The following STYX variants were observed in gnomAD, a reference collection of about 807,000 sequenced individuals.
STYX encodes the protein serine/threonine/tyrosine interacting protein.
A neutral mutation model predicts 42.7 loss-of-function variants in STYX; 20 were observed. That is an observed-to-expected ratio of 0.47 (90% CI 0.33 to 0.68). STYX has a LOEUF of 0.68. Among genes scored for constraint, STYX ranks in the 30% least tolerant of loss-of-function variants. The probability of loss-of-function intolerance (pLI) is 0.02; values close to 1 mark genes in which losing one functional copy is unlikely to be tolerated. For missense variants in STYX, 226 were observed against 268.5 expected (o/e 0.84, Z 1.11); for synonymous variants, 78 against 81.9 (o/e 0.95, Z 0.26).
intron 1 of STYX, among the ~76,000 whole-genome samples, chr14:52,738,656 A>G (rs545187939): frequency 6.6e-6 from 1 of 152,338 alleles, no homozygotes; most frequent in Admixed American, 6.5e-5. Context: ...TGATATATTG[A>G]TTACTTTAAG....
chr14:52,763,180 C>T (rs1882168283), intron 9 of STYX, among the ~76,000 whole-genome samples: 1 of 152,120 alleles, frequency 6.6e-6, no homozygotes, highest in East Asian at 1.9e-4. Flanking sequence ...ATGTGAGCCA[C>T]TGCTCCTGGC....
chr14:52,774,317 C>A lies in STYX; in HGVS notation c.*3211C>A, dbSNP rs570895351. The A allele has an allele frequency of 9.9e-5, 15 of 151,776 alleles. No homozygotes were observed. The highest frequency in any genetic ancestry group is 3.6e-4 in the African/African-American group (15 of 41,316). 9.4% of individuals were successfully genotyped at this position (151,776 alleles called of 1,614,324 possible). On this transcript the variant is annotated 3_prime_UTR_variant, in exon 11 of 11. Transcript: ENST00000354586. ...TGAATTAGAAATATTTAACTGCAAT[C>A]TTGAATTATAAAGTTGAGATATATA...
chr14:52,766,152 A>T (rs1269017130), intron 9 of STYX, among the ~76,000 whole-genome samples: 1 of 151,924 alleles, frequency 6.6e-6, no homozygotes, highest in Non-Finnish European at 1.5e-5. Context: ...GCACACTATC[A>T]CACCTGGCTA....
intron 3 of STYX, among the ~76,000 whole-genome samples, chr14:52,749,165 G>A (rs1342312552): frequency 2.0e-5 from 3 of 152,126 alleles, no homozygotes; most frequent in Admixed American, 2.0e-4. Flanking sequence ...CCTTCTTGCT[G>A]TATCCTCACA....
chr14:52,732,817 C>G (rs995737653), intron 1 of STYX, among the ~76,000 whole-genome samples: 1 of 151,904 alleles, frequency 6.6e-6, no homozygotes, highest in South Asian at 2.1e-4. Context: ...ATTACAGGCG[C>G]CCGCCACCAC....
chr14:52,730,386 C>CTCCT lies in STYX; in HGVS notation c.-81_-78dup. The CTCCT allele has an allele frequency of 7.0e-7, 1 of 1,429,086 alleles. No homozygotes were observed. The highest frequency in any genetic ancestry group is 9.7e-7 in the Non-Finnish European group (1 of 1,029,408). 88.5% of individuals were successfully genotyped at this position (1,429,086 alleles called of 1,614,324 possible). On this transcript the variant is annotated 5_prime_UTR_variant, in exon 1 of 11. Transcript: ENST00000354586. ...CTGTCAGCCCTCCGCTCCGCCGGCC[C>CTCCT]TCCTTCCTTCCGCCGCCGCAGCCAG...
chr14:52,772,240 T>C lies in STYX; in HGVS notation c.*1134T>C, dbSNP rs1447812092. On this transcript the variant is annotated 3_prime_UTR_variant, in exon 11 of 11. Coordinates refer to ENST00000354586, the MANE Select transcript of STYX (RefSeq NM_145251.4). ...ATATAGAATGTTTACTCTTTCTTTT[T>C]ATGTTGTCTTAATGATTCTGTGAGA... The C allele has an allele frequency of 1.3e-5, 2 of 152,164 alleles. No individual in the cohort carries two copies. Among genetic ancestry groups the C allele is most frequent in the Non-Finnish European group, 2.9e-5 (2 of 67,982 alleles). 9.4% of individuals were successfully genotyped at this position (152,164 alleles called of 1,614,324 possible).
intron 9 of STYX, among the ~76,000 whole-genome samples, chr14:52,766,859 C>T (rs1376095439): frequency 2.0e-5 from 3 of 147,952 alleles, no homozygotes; most frequent in African/African-American, 7.5e-5. Context: ...TTTTTTTCCA[C>T]TTGATTTTTC....
chr14:52,734,706 ATAT>A (rs1880875274), intron 1 of STYX, among the ~76,000 whole-genome samples: 1 of 152,200 alleles, frequency 6.6e-6, no homozygotes, highest in South Asian at 2.1e-4. Flanking sequence ...GTATTTCTTA[ATAT>A]TGCATGTTTG....
chr14:52,740,549 C>A (rs969959869), intron 1 of STYX, among the ~76,000 whole-genome samples: 7 of 152,216 alleles, frequency 4.6e-5, no homozygotes, highest in Non-Finnish European at 7.3e-5. Context: ...CTAAAATAGA[C>A]AGTGATAGTA....
chr14:52,743,315 C>T (rs972473914), intron 1 of STYX, among the ~76,000 whole-genome samples: 1 of 151,986 alleles, frequency 6.6e-6, no homozygotes, highest in African/African-American at 2.4e-5. Flanking sequence ...GGGGCAGTAG[C>T]TCACTCCCGA....
intron 4 of STYX, among the ~76,000 whole-genome samples, chr14:52,754,425 C>T (rs1881768774): frequency 6.8e-6 from 1 of 147,888 alleles, no homozygotes; most frequent in Admixed American, 6.8e-5. Context: ...GTTGCCCAGG[C>T]TGTTCTTGAA....
rs1369762826 is a variant in STYX, at chr14:52,774,254, T to C, written c.*3148T>C. The C allele has an allele frequency of 6.6e-6, 1 of 152,182 alleles. No individual in the cohort carries two copies. Among genetic ancestry groups the C allele is most frequent in the Admixed American group, 6.5e-5 (1 of 15,284 alleles). The allele number at this position is 152,182 out of a possible 1,614,324, so 9.4% of individuals were successfully genotyped here. A position where few individuals can be genotyped will look rare whatever the true frequency, so the allele number is the denominator to read the frequency against. ...TAAGCATGTCTGTATTAAGAAAATA[T>C]AAGGTTTCTAATTGTCTTATTAATA... is the stretch of plus-strand genomic sequence containing the variant. On this transcript the variant is annotated 3_prime_UTR_variant, in exon 11 of 11. Coordinates refer to ENST00000354586, the MANE Select transcript of STYX (RefSeq NM_145251.4).
intron 1 of STYX, among the ~76,000 whole-genome samples, chr14:52,732,518 C>G (rs1880775977): frequency 6.6e-6 from 1 of 151,788 alleles, no homozygotes; most frequent in Non-Finnish European, 1.5e-5. Context: ...TGTGATCCGC[C>G]TGGCTTGGCC....
Position 52,742,396 on chromosome 14 carries a change from G to A in STYX, c.58-2456G>A, listed in dbSNP as rs142270354. 2.9e-3 allele frequency among the ~76,000 whole-genome samples: 437 copies of A among 152,226 alleles called. 4 individuals are homozygous for A. The highest frequency in any genetic ancestry group is 9.8e-3 in the African/African-American group (405 of 41,528). ...GTACGTTTCCACTTAAAATAAGGCC[G>A]TAGTGAAGATGTAGAACAACTAGAA... On this transcript the variant is annotated intron_variant, in intron 1 of 10. Coordinates refer to ENST00000354586, the MANE Select transcript of STYX (RefSeq NM_145251.4).
At chr14:52,764,355 C>T (rs1430466618) in intron 9 of STYX, among the ~76,000 whole-genome samples, 1 of 152,124 alleles carries the variant, frequency 6.6e-6, no homozygotes, top group African/African-American at 2.4e-5. Context: ...TCTTTCTGTT[C>T]GCTTGCTACC....
chr14:52,744,102 A>G (rs1471714871), intron 1 of STYX, among the ~76,000 whole-genome samples: 3 of 152,122 alleles, frequency 2.0e-5, no homozygotes. Context: ...GGGATTACAG[A>G]CATGAGCCAC....
chr14:52,752,688 A>AT (rs1881667824), intron 4 of STYX, among the ~76,000 whole-genome samples: 1 of 152,016 alleles, frequency 6.6e-6, no homozygotes, highest in African/African-American at 2.4e-5. Context: ...CAATGTATAT[A>AT]TTTGCAATGT....
At chr14:52,734,359 T>C (rs1880862871) in intron 1 of STYX, among the ~76,000 whole-genome samples, 1 of 152,154 alleles carries the variant, frequency 6.6e-6, no homozygotes, top group Non-Finnish European at 1.5e-5. Context: ...GCTCAACAAA[T>C]CTTATTCAAC....
Sources: gnomAD v4.1 joint callset for allele counts (sites outside exome capture counted in the v4.1 genomes callset) on GRCh38, gnomAD v4.1.1 for gene constraint, MANE v1.5 for transcripts, NCBI Gene and HGNC (gene_info 2026-07-23, HGNC 2026-07-21) for gene names.